CLN6: variants seen among roughly 807,000 people sequenced by gnomAD.
CLN6 encodes ceroid-lipofuscinosis neuronal protein 6.
A neutral mutation model predicts 33.3 loss-of-function variants in CLN6; 22 were observed. That is an observed-to-expected ratio of 0.66 (90% confidence interval 0.47 to 0.94). The LOEUF is 0.94. Among genes scored for constraint, CLN6 ranks in the 40% least tolerant of loss-of-function variants. The pLI, the probability that CLN6 is intolerant of heterozygous loss-of-function variation, is 0.00. For missense variants in CLN6, 387 were observed against 417.1 expected, an observed-to-expected ratio of 0.93 and a Z score of 0.63; for synonymous variants, 201 against 174.6, an observed-to-expected ratio of 1.15 and a Z score of -1.19.
rs1376796171 is a variant in CLN6 at position 68,209,590 on chromosome 15, GCT to G, written c.665+45_665+46del. On this transcript the variant is annotated intron_variant, in intron 6 of 6. Coordinates refer to ENST00000249806, the MANE Select transcript of CLN6 (RefSeq NM_017882.3). This position sits in a 1 kb window ranked among gnomAD's most constrained non-coding sequence, Gnocchi z 4.9. ...GCAAGTGCAGAATTTTGCTGCCGTG[GCT>G]CTCTCAGTGCCCCTGCCTCTGCCCC... The G allele has an allele frequency of 1.2e-6, 2 of 1,607,658 alleles. No homozygotes were observed. Among genetic ancestry groups the G allele is most frequent in the Admixed American group, 1.7e-5 (1 of 59,954 alleles).
intron 1 of CLN6, among the ~76,000 whole-genome samples, chr15:68,252,937 T>C (rs1001930879): frequency 6.6e-6 from 1 of 152,152 alleles, no homozygotes; most frequent in Admixed American, 6.5e-5. Context: ...GGTGAGGAGG[T>C]AGAGCAAGAC....
chr15:68,207,981 C>CAT lies in CLN6; in HGVS notation c.*158_*159insAT, dbSNP rs1434050483. On this transcript the variant is annotated 3_prime_UTR_variant, in exon 7 of 7. Coordinates refer to ENST00000249806, the MANE Select transcript of CLN6 (RefSeq NM_017882.3). Reference sequence around the variant, plus strand: ...GCACTCTGCGCACACATATACAAGACACACACACACACACACACGAATCCA... The same window carrying CAT: ...GCACTCTGCGCACACATATACAAGACATACACACACACACACACACGAATCCA... 1.7e-5 allele frequency: 3 copies of CAT among 173,470 alleles called. No homozygotes were observed. Among genetic ancestry groups the CAT allele is most frequent in the African/African-American group, 1.3e-4 (2 of 15,694 alleles). The allele number at this position is 173,470 out of a possible 1,614,324, so 10.7% of individuals were successfully genotyped here.
chr15:68,229,798 A>G (rs867797625), upstream of CLN6: 274 of 140,348 alleles, frequency 2.0e-3, 2 homozygotes, highest in East Asian at 0.04. Flanking sequence ...GCGGAGGGAG[A>G]CGGGGCGGGC....
intron 1 of CLN6, among the ~76,000 whole-genome samples, chr15:68,238,042 G>C (rs1567103873): frequency 5.3e-5 from 8 of 151,868 alleles, no homozygotes; most frequent in Non-Finnish European, 1.5e-5. Context: ...AGAATTACTT[G>C]AACCCAGGAG....
Position 68,208,322 on chromosome 15 carries a change from G to A in CLN6, c.754C>T (p.Arg252Cys), listed in dbSNP as rs145746878. 68 of 1,614,016 alleles carry A rather than the reference G, an allele frequency of 4.2e-5. No individual in the cohort carries two copies. Among genetic ancestry groups the A allele is most frequent in the Admixed American group, 6.7e-5 (4 of 60,010 alleles). The change falls in exon 7 of 7, where the codon CGC (arginine) becomes TGC (cysteine). Residue 252 changes from arginine (R) to cysteine (C), a missense_variant. By Grantham distance (180) the Arg-to-Cys change is radical (BLOSUM62 -3). Coordinates refer to ENST00000249806, the MANE Select transcript of CLN6 (RefSeq NM_017882.3). The surrounding 1 kb of genome is among the most constrained non-coding windows in gnomAD (Gnocchi z 5.8). ...AGGCCGTTGCTGTCCAGGAAGAGGC[G>A]CTTGCGCTTCTGGTGCAGGACGAGG... ...LALVLHQKRK[R>C]LFLDSNGLFL...
At chr15:68,249,676 G>A (rs1892359143) in intron 1 of CLN6, among the ~76,000 whole-genome samples, 1 of 152,166 alleles carries the variant, frequency 6.6e-6, no homozygotes, top group Non-Finnish European at 1.5e-5. Context: ...GGGATGGAGA[G>A]GTTGATTAAT....
Position 68,211,624 on chromosome 15 carries a change from G to A in CLN6, c.486+51C>T, listed in dbSNP as rs8024979. On this transcript the variant is annotated intron_variant, in intron 4 of 6. Coordinates refer to ENST00000249806, the MANE Select transcript of CLN6 (RefSeq NM_017882.3). The surrounding 1 kb of genome is among the most constrained non-coding windows in gnomAD (Gnocchi z 5.9). ...GGGGGCCATTTCTTCAGCCTCCCAG[G>A]ACAGACTGTGCTCCTAGGGCTTACA... The A allele has an allele frequency of 0.02, 32,688 of 1,609,498 alleles. 1,932 individuals are homozygous for A. The African/African-American group carries it at 0.21, about 11-fold the overall frequency.
At chr15:68,224,071 AACAAC>A (rs2093245252) in intron 1 of CLN6, among the ~76,000 whole-genome samples, 1 of 151,490 alleles carries the variant, frequency 6.6e-6, no homozygotes, top group African/African-American at 2.4e-5. Context: ...CAACAACAAC[AACAAC>A]AAAAAACAAC....
In CLN6 at chr15:68,207,936, TAGTA is replaced by T. The variant is rs2093192052; in HGVS notation, c.*200_*203del. On this transcript the variant is annotated 3_prime_UTR_variant, in exon 7 of 7. Coordinates refer to ENST00000249806, the MANE Select transcript of CLN6 (RefSeq NM_017882.3). ...AAATCAAACAGAAACTTGACGGAAA[TAGTA>T]GAGTCTGAAAATGATGCACTCTGCG... 6.6e-6 allele frequency: 4 copies of T among 610,066 alleles called. No individual in the cohort carries two copies. Among genetic ancestry groups the T allele is most frequent in the Non-Finnish European group, 1.2e-5 (4 of 344,602 alleles). The allele number at this position is 610,066 out of a possible 1,614,324, so 37.8% of individuals were successfully genotyped here.
At position 68,207,682 on chromosome 15, in the gene CLN6, A is replaced by G; in HGVS notation, c.*458T>C. On this transcript the variant is annotated 3_prime_UTR_variant, in exon 7 of 7. Transcript: ENST00000249806. ...ACAGTAGGCTGACGTAACCTATGTA[A>G]TGTAGGGTCAGGGTGGGCCTGAGGG... The G allele has an allele frequency of 4.0e-6, 1 of 248,422 alleles. No homozygotes were observed. The highest frequency in any genetic ancestry group is 7.9e-6 in the Non-Finnish European group (1 of 125,852). The allele number at this position is 248,422 out of a possible 1,614,324, so 15.4% of individuals were successfully genotyped here.
chr15:68,218,921 A>C (rs2093228008), intron 1 of CLN6, among the ~76,000 whole-genome samples: 1 of 152,208 alleles, frequency 6.6e-6, no homozygotes, highest in African/African-American at 2.4e-5. Flanking sequence ...CCGCTACTGA[A>C]AGATGGAGGA....
At chr15:68,229,882 C>T (rs1352095902), upstream of CLN6, 3 of 241,668 alleles carry the variant, frequency 1.2e-5, no homozygotes, top group Non-Finnish European at 2.3e-5. Flanking sequence ...GTCCGGGCTG[C>T]GCGCGTGACC....
Position 68,236,923 on chromosome 15 carries a change from C to T in CLN6, c.180-18273G>A, listed in dbSNP as rs572385700. Among the ~76,000 whole-genome samples, 5 of 148,890 alleles carry T rather than the reference C, an allele frequency of 3.4e-5. No homozygotes were observed. Among genetic ancestry groups the T allele is most frequent in the East Asian group, 2.0e-4 (1 of 5,010 alleles). On this transcript the variant is annotated intron_variant, in intron 1 of 6. Coordinates refer to the CLN6 transcript ENST00000538696. The surrounding 1 kb of genome is among the most constrained non-coding windows in gnomAD (Gnocchi z 4.5). Reference sequence around the variant, plus strand: ...CTGTAATCCCAGCACTTTGGGAGGCCGAGGCGGGTGGATCATGAGGTCAGG... The same window carrying T: ...CTGTAATCCCAGCACTTTGGGAGGCTGAGGCGGGTGGATCATGAGGTCAGG...
At chr15:68,233,711 C>G (rs61545800), upstream of CLN6, among the ~76,000 whole-genome samples, 11,145 of 152,230 alleles carry the variant, frequency 0.073, 1,130 homozygotes, top group African/African-American at 0.23. This position sits in a 1 kb window ranked among gnomAD's most constrained non-coding sequence, Gnocchi z 4.3. Context: ...GGCAGACAGA[C>G]GAAGTGGGAC....
Position 68,214,257 on chromosome 15 carries a change from T to C in CLN6, c.297+33A>G, listed in dbSNP as rs756256935. 9 of 1,496,696 alleles carry C rather than the reference T, an allele frequency of 6.0e-6. No individual in the cohort carries two copies. In the South Asian group the frequency reaches 1.0e-4, roughly 17 times the overall value. The allele number at this position is 1,496,696 out of a possible 1,614,324, so 92.7% of individuals were successfully genotyped here. A position where few individuals can be genotyped will look rare whatever the true frequency, so the allele number is the denominator to read the frequency against. On this transcript the variant is annotated intron_variant, in intron 3 of 6. Transcript: ENST00000249806. ...CTGCCAGGTGTGCAAAGAATGGGGA[T>C]GACAGGAGAGAGTGGGGGCCCTGGG... is the stretch of plus-strand genomic sequence containing the variant.
chr15:68,256,823 G>A lies in CLN6; in HGVS notation c.46C>T (p.Arg16Trp), dbSNP rs376653304. ...GGGATGGCTCCCAGTGTCTCTGGCC[G>A]GGGCCTGCCTCTCGCTCGCCGCTCC... Residue 16 changes from arginine (R) to tryptophan (W), a missense_variant, in exon 1 of 7, where the codon CGG (arginine) becomes TGG (tryptophan). Transcript: ENST00000538696. The surrounding 1 kb of genome is among the most constrained non-coding windows in gnomAD (Gnocchi z 4.1). 1.9e-3 allele frequency: 1,325 copies of A among 701,086 alleles called. 5 individuals are homozygous for A. The highest frequency in any genetic ancestry group is 7.1e-3 in the Middle Eastern group (31 of 4,360). 43.4% of individuals were successfully genotyped at this position (701,086 alleles called of 1,614,324 possible).
chr15:68,239,476 AC>A (rs1372969472), intron 1 of CLN6, among the ~76,000 whole-genome samples: 2 of 152,152 alleles, frequency 1.3e-5, no homozygotes, highest in Non-Finnish European at 2.9e-5. Flanking sequence ...AGTTGGTGTA[AC>A]TATATTGTCA....
At chr15:68,235,041 CAAAA>C (rs1892205632) in intron 1 of CLN6, among the ~76,000 whole-genome samples, 1 of 151,916 alleles carries the variant, frequency 6.6e-6, no homozygotes, top group African/African-American at 2.4e-5. Flanking sequence ...AAGAATAAAA[CAAAA>C]CAAACAAAAC....
Position 68,229,635 on chromosome 15 carries a change from C to G in CLN6, c.-51G>C. ...TGCCTTTCCGAGGAAGAGACCGGTT[C>G]AGCTCGGCTGCCCCGGCGGAGGCCG... is the stretch of plus-strand genomic sequence containing the variant. On this transcript the variant is annotated 5_prime_UTR_variant, in exon 1 of 7. Transcript: ENST00000249806. 5 of 1,382,822 alleles carry G rather than the reference C, an allele frequency of 3.6e-6. No homozygotes were observed. The South Asian group carries it at 4.3e-5, about 12-fold the overall frequency. 85.7% of individuals were successfully genotyped at this position (1,382,822 alleles called of 1,614,324 possible).
Sources: gnomAD v4.1 joint callset for allele counts (sites outside exome capture counted in the v4.1 genomes callset) on GRCh38, gnomAD v4.1.1 for gene constraint, Gnocchi (gnomAD v3.1) non-coding constraint, MANE v1.5 for transcripts, NCBI Gene and HGNC (gene_info 2026-07-23, HGNC 2026-07-21) for gene names.